MARCHF5: variants seen among roughly 807,000 people sequenced by gnomAD.
MARCHF5 encodes membrane associated ring-CH-type finger 5, also known as E3 ubiquitin-protein ligase MARCHF5.
A neutral mutation model predicts 36.5 loss-of-function variants in MARCHF5; 5 were observed. The ratio of observed to expected loss-of-function variants is 0.14; its 90% CI spans 0.07 to 0.29. The LOEUF (loss-of-function observed/expected upper bound fraction) is 0.29. Ranked by LOEUF, MARCHF5 falls within the 10% of genes least tolerant of loss-of-function variation. The pLI, the probability that MARCHF5 is intolerant of heterozygous loss-of-function variation, is 1.00. For synonymous variants in MARCHF5, 103 were observed against 109.9 expected (o/e 0.94, Z 0.39); for missense variants, 179 against 336.3 (o/e 0.53, Z 3.66).
rs571229145 is a variant in MARCHF5 at position 92,315,697 on chromosome 10, A to G, written c.238+4360A>G. On this transcript the variant is annotated intron_variant, in intron 2 of 5. Coordinates refer to ENST00000358935, the MANE Select transcript of MARCHF5 (RefSeq NM_017824.5). ...ATTTATGGCATTCTGAGTTAAATGTATTTTTCACTTTTACTCTTTTGAACC... is the reference window on the plus strand; with the variant it reads ...ATTTATGGCATTCTGAGTTAAATGTGTTTTTCACTTTTACTCTTTTGAACC... Among the ~76,000 whole-genome samples, 4 of 152,288 alleles carry G rather than the reference A, an allele frequency of 2.6e-5. No homozygotes were observed. In the South Asian group the frequency reaches 8.3e-4, roughly 32 times the overall value.
intron 2 of MARCHF5, among the ~76,000 whole-genome samples, chr10:92,321,146 G>A (rs756997997): frequency 2.0e-5 from 3 of 152,006 alleles, no homozygotes; most frequent in African/African-American, 7.3e-5. Flanking sequence ...ACACCATACC[G>A]ACTCTGTGAT....
intron 2 of MARCHF5, among the ~76,000 whole-genome samples, chr10:92,314,649 G>GA (rs891126773): frequency 3.8e-4 from 52 of 137,800 alleles, no homozygotes; most frequent in South Asian, 1.6e-3. Flanking sequence ...CTCAAAAAAA[G>GA]AAAAAAAAAA....
At position 92,291,414 on chromosome 10, in the gene MARCHF5, C is replaced by G. The variant is rs947816490; in HGVS notation, c.-81C>G. ...TGCCGCCGGACTGCGGCCTACTCCG[C>G]CGCCTCTCAGTGCTATTGTCCCTGG... On this transcript the variant is annotated 5_prime_UTR_variant, in exon 1 of 6. Transcript: ENST00000358935. 1 of 1,275,906 alleles carries G rather than the reference C, an allele frequency of 7.8e-7. No individual in the cohort carries two copies. The highest frequency in any genetic ancestry group is 2.0e-5 in the Admixed American group (1 of 50,394). 79.0% of individuals were successfully genotyped at this position (1,275,906 alleles called of 1,614,324 possible).
Position 92,291,294 on chromosome 10 carries a change from G to T in MARCHF5, c.-201G>T. On this transcript the variant is annotated 5_prime_UTR_variant, in exon 1 of 6. Coordinates refer to ENST00000358935, the MANE Select transcript of MARCHF5 (RefSeq NM_017824.5). ...TCCCCGCCTCAGGCTCCTCCTCCTCGCTCTCCGCCGCCTCCGCCGGACTCC... is the reference window on the plus strand; with the variant it reads ...TCCCCGCCTCAGGCTCCTCCTCCTCTCTCTCCGCCGCCTCCGCCGGACTCC... 1.8e-6 allele frequency: 1 copy of T among 564,652 alleles called. No homozygotes were observed. Among genetic ancestry groups the T allele is most frequent in the Non-Finnish European group, 3.1e-6 (1 of 325,856 alleles). 35.0% of individuals were successfully genotyped at this position (564,652 alleles called of 1,614,324 possible). A position where few individuals can be genotyped will look rare whatever the true frequency, so the allele number is the denominator to read the frequency against.
In MARCHF5 at chr10:92,349,521, G is replaced by C; in HGVS notation, c.542G>C (p.Ser181Thr). Residue 181 changes from serine (S) to threonine (T), a missense_variant, in exon 4 of 6, where the codon AGT (serine) becomes ACT (threonine). This residue lies in a region of MARCHF5 where 95 missense variants were observed against 139.5 expected (regional missense o/e 0.68). Transcript: ENST00000358935. Reference protein sequence around the residue: ...KYSNKLQILNSIFPGIGCPVP... With the variant: ...KYSNKLQILNTIFPGIGCPVP... ...TCGAATAAACTACAAATTTTAAATA[G>C]TATATTTCCAGGTAAGGCACTGAAC... is the stretch of plus-strand genomic sequence containing the variant. 1 of 1,613,216 alleles carries C rather than the reference G, an allele frequency of 6.2e-7. No homozygotes were observed.
At chr10:92,310,714 GT>G (rs1267743458) in intron 1 of MARCHF5, among the ~76,000 whole-genome samples, 5 of 151,996 alleles carry the variant, frequency 3.3e-5, no homozygotes, top group African/African-American at 1.2e-4. Flanking sequence ...GTAATACTTT[GT>G]TTTTCCAAGT....
chr10:92,314,942 T>G (rs1843192450), intron 2 of MARCHF5, among the ~76,000 whole-genome samples: 1 of 152,160 alleles, frequency 6.6e-6, no homozygotes, highest in African/African-American at 2.4e-5. Context: ...TTTAATTATA[T>G]TCACAATTTT....
At chr10:92,331,929 G>GTATATATAATCGTATATATATGTA (rs1554948794) in intron 2 of MARCHF5, among the ~76,000 whole-genome samples, 7 of 87,614 alleles carry the variant, frequency 8.0e-5, no homozygotes, top group Non-Finnish European at 1.8e-4. Context: ...TCATATATAT[G>GTATATATAATCGTATATATATGTA]TATATATAAT....
chr10:92,311,452 C>CT lies in MARCHF5; in HGVS notation c.238+118dup, dbSNP rs1186494798. ...TTTAGGGTGTGAATTTCTATATTCC[C>CT]TTTCTCTTGTTTCCTCTCTGAATGT... On this transcript the variant is annotated intron_variant, in intron 2 of 5. Transcript: ENST00000358935. The CT allele has an allele frequency of 2.3e-4, 162 of 689,426 alleles. No homozygotes were observed. In the East Asian group the frequency reaches 4.5e-3, roughly 19 times the overall value. The allele number at this position is 689,426 out of a possible 1,614,324, so 42.7% of individuals were successfully genotyped here. A position where few individuals can be genotyped will look rare whatever the true frequency, so the allele number is the denominator to read the frequency against.
chr10:92,328,930 A>C (rs185398101), intron 2 of MARCHF5, among the ~76,000 whole-genome samples: 1 of 151,532 alleles, frequency 6.6e-6, no homozygotes, highest in African/African-American at 2.4e-5. Flanking sequence ...AAGACCGATC[A>C]GTGTGTATAG....
intron 1 of MARCHF5, among the ~76,000 whole-genome samples, chr10:92,307,308 G>T (rs1278116214): frequency 6.6e-6 from 1 of 152,046 alleles, no homozygotes; most frequent in African/African-American, 2.4e-5. Context: ...AGACATTTGT[G>T]TGACCATTTT....
At chr10:92,296,522 A>G (rs1842950043) in intron 1 of MARCHF5, among the ~76,000 whole-genome samples, 1 of 152,224 alleles carries the variant, frequency 6.6e-6, no homozygotes, top group Non-Finnish European at 1.5e-5. Context: ...GTGAATTTAC[A>G]GAGAACAATG....
intron 1 of MARCHF5, among the ~76,000 whole-genome samples, chr10:92,299,857 C>T (rs1270129891): frequency 6.6e-6 from 1 of 152,110 alleles, no homozygotes; most frequent in Non-Finnish European, 1.5e-5. Flanking sequence ...TAAATTGCCT[C>T]ATTTGCTCAA....
At chr10:92,333,490 AAC>A in intron 2 of MARCHF5, 1 of 189,450 alleles carries the variant, frequency 5.3e-6, no homozygotes, top group Non-Finnish European at 9.8e-6. Flanking sequence ...AAACGAGTTA[AAC>A]AGACATGGCC....
chr10:92,291,845 C>T (rs747104279), intron 1 of MARCHF5, among the ~76,000 whole-genome samples: 7 of 151,730 alleles, frequency 4.6e-5, no homozygotes, highest in Non-Finnish European at 5.9e-5. Context: ...CCCCTTCCCC[C>T]TCCCCAACTT....
intron 1 of MARCHF5, among the ~76,000 whole-genome samples, chr10:92,296,490 C>T (rs1049559504): frequency 2.0e-5 from 3 of 152,088 alleles, no homozygotes; most frequent in African/African-American, 7.2e-5. Context: ...TCATTTTTCT[C>T]TAAAACTTCT....
chr10:92,342,735 C>A (rs1311386225), intron 3 of MARCHF5, among the ~76,000 whole-genome samples: 1 of 152,176 alleles, frequency 6.6e-6, no homozygotes. Context: ...AGAGCAGCAT[C>A]TAGATTGGTT....
At chr10:92,312,959 G>T (rs1843163278) in intron 2 of MARCHF5, among the ~76,000 whole-genome samples, 1 of 152,240 alleles carries the variant, frequency 6.6e-6, no homozygotes, top group Non-Finnish European at 1.5e-5. Flanking sequence ...ATCTTGGCTG[G>T]GCGTGGCGGC....
chr10:92,329,876 G>A (rs901205564), intron 2 of MARCHF5, among the ~76,000 whole-genome samples: 7 of 152,138 alleles, frequency 4.6e-5, no homozygotes, highest in African/African-American at 1.7e-4. Context: ...ACAGAGATTT[G>A]CTCTTGTTGC....
Sources: gnomAD v4.1 joint callset for allele counts (sites outside exome capture counted in the v4.1 genomes callset) on GRCh38, gnomAD v4.1.1 for gene constraint, gnomAD v4.1.1 regional missense constraint, MANE v1.5 for transcripts, NCBI Gene and HGNC (gene_info 2026-07-23, HGNC 2026-07-21) for gene names.